KDM3B: variants seen among roughly 807,000 people sequenced by gnomAD.
KDM3B encodes the protein lysine-specific demethylase 3B.
A neutral mutation model predicts 170.0 loss-of-function variants in KDM3B; 10 were observed. That is an observed-to-expected ratio of 0.06 (90% CI 0.04 to 0.10). The LOEUF (loss-of-function observed/expected upper bound fraction) is 0.10, where lower values mean the gene tolerates loss of function less well. Ranked by LOEUF, KDM3B falls within the 10% of genes least tolerant of loss-of-function variation. The pLI is 1.00. For missense variants in KDM3B, 1,394 were observed against 2,195.2 expected (o/e 0.64, Z 7.29); for synonymous variants, 831 against 834.8 (o/e 1.00, Z 0.08).
At chr5:138,399,807 T>C in intron 10 of KDM3B, 53 bp from the exon 11 acceptor site, 1 of 1,578,992 alleles carries the variant, frequency 6.3e-7, no homozygotes, top group Middle Eastern at 1.7e-4. Flanking sequence ...GTCTGGGGTC[T>C]TTTGTTATTG....
At position 138,390,901 on chromosome 5, in the gene KDM3B, A is replaced by G. The variant is rs1762409969; in HGVS notation, c.1381-112A>G. The stretch of plus-strand genomic sequence containing the variant: ...AGATCCATGGAATTGTAAAAGAGAA[A>G]AGTTGATGGACCCCCAAGAAATGTT... On this transcript the variant is annotated intron_variant, in intron 7 of 23. Coordinates refer to ENST00000314358, the MANE Select transcript of KDM3B (RefSeq NM_016604.4). 3.9e-6 allele frequency: 4 copies of G among 1,028,950 alleles called. No homozygotes were observed. In the South Asian group the frequency reaches 7.2e-5, roughly 18 times the overall value. 63.7% of individuals were successfully genotyped at this position (1,028,950 alleles called of 1,614,324 possible). A position where few individuals can be genotyped will look rare whatever the true frequency, so the allele number is the denominator to read the frequency against.
chr5:138,409,226 G>A (rs1225311174), intron 11 of KDM3B, among the ~76,000 whole-genome samples: 3 of 152,040 alleles, frequency 2.0e-5, no homozygotes, highest in Non-Finnish European at 4.4e-5. Flanking sequence ...GAAAACAAAA[G>A]AAGAGACATA....
chr5:138,374,504 C>T (rs1326054315), intron 2 of KDM3B, among the ~76,000 whole-genome samples: 7 of 151,874 alleles, frequency 4.6e-5, no homozygotes, highest in Admixed American at 1.3e-4. Flanking sequence ...GTGATCCACC[C>T]GCCTCGGCCT....
intron 1 of KDM3B, among the ~76,000 whole-genome samples, chr5:138,363,498 T>C (rs1406058232): frequency 1.3e-5 from 2 of 152,224 alleles, no homozygotes; most frequent in Non-Finnish European, 2.9e-5. Context: ...CTTTCTCTGA[T>C]TCTAAAGTAA....
chr5:138,365,127 G>A (rs2126913746), intron 1 of KDM3B, among the ~76,000 whole-genome samples: 1 of 152,206 alleles, frequency 6.6e-6, no homozygotes, highest in South Asian at 2.1e-4. Context: ...GTATAGGTAG[G>A]AAAATTGGAA....
intron 11 of KDM3B, among the ~76,000 whole-genome samples, chr5:138,404,988 A>G (rs1017277379): frequency 2.0e-5 from 3 of 151,346 alleles, no homozygotes; most frequent in African/African-American, 7.3e-5. Context: ...TGATCTGCCC[A>G]TCTCAGCCTC....
intron 8 of KDM3B, 125 bp from the exon 9 acceptor site, chr5:138,393,046 A>C: frequency 1.3e-6 from 1 of 775,154 alleles, no homozygotes; most frequent in Non-Finnish European, 2.2e-6. Context: ...CATAATGGGT[A>C]CATGCCCAAG....
intron 9 of KDM3B, among the ~76,000 whole-genome samples, chr5:138,394,127 CT>C (rs1762496547): frequency 6.6e-6 from 1 of 152,094 alleles, no homozygotes; most frequent in Non-Finnish European, 1.5e-5. Flanking sequence ...GATTACATGC[CT>C]TTAACTCCAG....
In KDM3B at chr5:138,377,653, T is replaced by A. The variant is rs1762031323; in HGVS notation, c.475-67T>A. 33 of 1,128,684 alleles carry A rather than the reference T, an allele frequency of 2.9e-5. No homozygotes were observed. The South Asian group carries it at 4.0e-4, about 14-fold the overall frequency. 69.9% of individuals were successfully genotyped at this position (1,128,684 alleles called of 1,614,324 possible). A position where few individuals can be genotyped will look rare whatever the true frequency, so the allele number is the denominator to read the frequency against. On this transcript the variant is annotated intron_variant, in intron 3 of 23. Coordinates refer to ENST00000314358, the MANE Select transcript of KDM3B (RefSeq NM_016604.4). Reference sequence around the variant, plus strand: ...ATACAGCTCCTTAGGATATGATTTTTCTCAGCTGATTAGATGTTTGCTATT... The same window carrying A: ...ATACAGCTCCTTAGGATATGATTTTACTCAGCTGATTAGATGTTTGCTATT...
chr5:138,406,151 C>A (rs1762813757), intron 11 of KDM3B, among the ~76,000 whole-genome samples: 1 of 152,138 alleles, frequency 6.6e-6, no homozygotes, highest in South Asian at 2.1e-4. Context: ...TCAAGACCAG[C>A]CTGGGCAACA....
intron 1 of KDM3B, among the ~76,000 whole-genome samples, chr5:138,360,522 TTGTGTG>T (rs55976818): frequency 6.6e-4 from 91 of 137,958 alleles, no homozygotes; most frequent in East Asian, 5.9e-3. Flanking sequence ...TAAAAAAAGA[TTGTGTG>T]TGTGTGTGTG....
In KDM3B at chr5:138,391,523, G is replaced by A. The variant is rs1361757922; in HGVS notation, c.1891G>A (p.Glu631Lys). Residue 631 changes from glutamate to lysine, a missense_variant, in exon 8 of 24, where the codon GAA (glutamate) becomes AAA (lysine). Physicochemically the swap from Glu to Lys is moderately conservative, Grantham distance 56. Around this residue, in one of 19 missense-constraint regions of KDM3B, gnomAD observed 294 missense variants for 311.7 expected, o/e 0.94. Coordinates refer to ENST00000314358, the MANE Select transcript of KDM3B (RefSeq NM_016604.4). This position sits in a 1 kb window ranked among gnomAD's most constrained non-coding sequence, Gnocchi z 5.0. ...LFLQPPKLSREEPSNPFLAFV... is the reference protein window; with the variant it reads ...LFLQPPKLSRKEPSNPFLAFV... ...TTTACAGCCCCCCAAATTGTCCCGA[G>A]AAGAGCCTTCTAATCCTTTCCTGGC... 12 of 1,613,892 alleles carry A rather than the reference G, an allele frequency of 7.4e-6. No individual in the cohort carries two copies. Among genetic ancestry groups the A allele is most frequent in the Non-Finnish European group, 1.0e-5 (12 of 1,180,052 alleles).
At chr5:138,372,876 G>T (rs1347621628) in intron 2 of KDM3B, 35 bp downstream of exon 2, 1 of 1,577,448 alleles carries the variant, frequency 6.3e-7, no homozygotes, top group Admixed American at 1.8e-5. Context: ...ACATGTCTGA[G>T]CTTTACTCCT....
intron 17 of KDM3B, chr5:138,426,614 G>A (rs1256418625): frequency 5.6e-6 from 1 of 179,960 alleles, no homozygotes; most frequent in Non-Finnish European, 1.2e-5. Flanking sequence ...TCCTAGGCTG[G>A]GCGCAGTGCC....
chr5:138,365,276 A>G (rs1473988013), intron 1 of KDM3B, among the ~76,000 whole-genome samples: 1 of 151,752 alleles, frequency 6.6e-6, no homozygotes, highest in African/African-American at 2.4e-5. Context: ...CTTTCTTTTT[A>G]TGAGACAAAG....
At chr5:138,368,468 T>G (rs1389486554) in intron 1 of KDM3B, among the ~76,000 whole-genome samples, 1 of 152,066 alleles carries the variant, frequency 6.6e-6, no homozygotes, top group African/African-American at 2.4e-5. Context: ...ACTCTTGAAC[T>G]GCTGGGCTCA....
In KDM3B at chr5:138,409,587, A is replaced by C. The variant is rs1417388815; in HGVS notation, c.3200-5545A>C. On this transcript the variant is annotated intron_variant, in intron 11 of 23. Coordinates refer to ENST00000314358, the MANE Select transcript of KDM3B (RefSeq NM_016604.4). ...TACTGAGAGAAATTAAAGAATACCT[A>C]AATAAATGAAGAGATATACCATATT... Among the ~76,000 whole-genome samples, 3 of 152,138 alleles carry C rather than the reference A, an allele frequency of 2.0e-5. No homozygotes were observed. In the East Asian group the frequency reaches 5.8e-4, roughly 29 times the overall value.
chr5:138,396,448 G>A (rs1053754149), intron 9 of KDM3B, among the ~76,000 whole-genome samples: 3 of 152,122 alleles, frequency 2.0e-5, no homozygotes, highest in African/African-American at 7.2e-5. Context: ...ATGGAGGGAG[G>A]GTATGGCTTG....
At chr5:138,377,466 AG>A (rs1762026414) in intron 3 of KDM3B, among the ~76,000 whole-genome samples, 4 of 152,216 alleles carry the variant, frequency 2.6e-5, no homozygotes, top group Non-Finnish European at 5.9e-5. Context: ...TCTGTCACCT[AG>A]GCTGGAATGC....
Sources: allele counts gnomAD v4.1 joint callset (sites outside exome capture counted in the v4.1 genomes callset), GRCh38; gene constraint gnomAD v4.1.1; regional missense constraint gnomAD v4.1.1; non-coding constraint Gnocchi (gnomAD v3.1); transcripts MANE v1.5; gene names NCBI Gene and HGNC (gene_info 2026-07-23, HGNC 2026-07-21).